The following AGAP1 variants were observed in gnomAD, a reference collection of about 807,000 sequenced individuals.
AGAP1 encodes arf-GAP with GTPase, ANK repeat and PH domain-containing protein 1.
AGAP1 carries 29 observed loss-of-function variants against 105.3 expected under a neutral mutation model. The observed-to-expected ratio is 0.28, with a 90% CI of 0.21 to 0.38. The LOEUF is 0.38. Ranked by LOEUF, AGAP1 falls within the 10% of genes least tolerant of loss-of-function variation. AGAP1 has a pLI of 1.00. For missense variants in AGAP1, 998 were observed against 1,165.1 expected (o/e 0.86, Z 2.09); for synonymous variants, 509 against 485.9 (o/e 1.05, Z -0.63).
intron 4 of AGAP1, among the ~76,000 whole-genome samples, chr2:235,742,278 G>A (rs1292052226): frequency 6.6e-6 from 1 of 152,162 alleles, no homozygotes; most frequent in Non-Finnish European, 1.5e-5. Context: ...TACAGAAGAT[G>A]CCACAGATTT....
Position 235,842,392 on chromosome 2 carries a change from C to T in AGAP1, c.1050+35061C>T, listed in dbSNP as rs1336824630. 3.9e-5 allele frequency among the ~76,000 whole-genome samples: 6 copies of T among 152,192 alleles called. No homozygotes were observed. The highest frequency in any genetic ancestry group is 8.8e-5 in the Non-Finnish European group (6 of 68,032). ...CTCAAAATCACAGACATGTTCACAGCGCATTGCCGTTGTCCCAGATAATTG... is the reference window on the plus strand; with the variant it reads ...CTCAAAATCACAGACATGTTCACAGTGCATTGCCGTTGTCCCAGATAATTG... On this transcript the variant is annotated intron_variant, in intron 9 of 17. Coordinates refer to ENST00000304032, the MANE Select transcript of AGAP1 (RefSeq NM_001037131.3). This position sits in a 1 kb window ranked among gnomAD's most constrained non-coding sequence, Gnocchi z 5.3.
intron 12 of AGAP1, among the ~76,000 whole-genome samples, chr2:235,945,556 T>A (rs949325827): frequency 7.3e-5 from 11 of 150,408 alleles, no homozygotes; most frequent in Non-Finnish European, 1.5e-5. Context: ...TCTTTGCTAA[T>A]TTTACAATAA....
intron 6 of AGAP1, among the ~76,000 whole-genome samples, chr2:235,796,373 C>T (rs925780293): frequency 6.6e-5 from 10 of 151,988 alleles, no homozygotes; most frequent in African/African-American, 2.2e-4. Flanking sequence ...ATCAATATGC[C>T]AATGGTTCTG....
At position 235,893,227 on chromosome 2, in the gene AGAP1, C is replaced by CGTGTCTGT. The variant is rs1158751155; in HGVS notation, c.1155+9778_1155+9779insGTGTCTGT. Among the ~76,000 whole-genome samples, 1 of 148,530 alleles carries CGTGTCTGT rather than the reference C, an allele frequency of 6.7e-6. No homozygotes were observed. Among genetic ancestry groups the CGTGTCTGT allele is most frequent in the Non-Finnish European group, 1.5e-5 (1 of 67,232 alleles). ...TGCCATGTCCATCATAATGAAGCAC[C>CGTGTCTGT]ATGTCTGTAGCGCGGGTGTGCCATG... is the stretch of plus-strand genomic sequence containing the variant. On this transcript the variant is annotated intron_variant, in intron 10 of 17. Coordinates refer to ENST00000304032, the MANE Select transcript of AGAP1 (RefSeq NM_001037131.3). This position sits in a 1 kb window ranked among gnomAD's most constrained non-coding sequence, Gnocchi z 4.7.
At position 236,078,794 on chromosome 2, in the gene AGAP1, C is replaced by G. The variant is rs1192221398; in HGVS notation, c.2114+29513C>G. Among the ~76,000 whole-genome samples, 2 of 152,164 alleles carry G rather than the reference C, an allele frequency of 1.3e-5. No individual in the cohort carries two copies. Among genetic ancestry groups the G allele is most frequent in the East Asian group, 1.9e-4 (1 of 5,172 alleles). On this transcript the variant is annotated intron_variant, in intron 16 of 17. Transcript: ENST00000304032. The surrounding 1 kb of genome is among the most constrained non-coding windows in gnomAD (Gnocchi z 5.3). ...CTAAGCTTGAGCCAGACTGGTCGTT[C>G]TGCCAGGTTGGTTGCCCACCCTCCT...
rs980197333 is a variant in AGAP1 at position 235,967,881 on chromosome 2, A to G, written c.1484-581A>G. Among the ~76,000 whole-genome samples, 11 of 152,236 alleles carry G rather than the reference A, an allele frequency of 7.2e-5. No individual in the cohort carries two copies. Among genetic ancestry groups the G allele is most frequent in the Non-Finnish European group, 1.3e-4 (9 of 68,052 alleles). ...CAATGAATCAAAAATTGGCAGGCCTACTATATCGACTTCCAAACACTGTCA... is the reference window on the plus strand; with the variant it reads ...CAATGAATCAAAAATTGGCAGGCCTGCTATATCGACTTCCAAACACTGTCA... On this transcript the variant is annotated intron_variant, in intron 12 of 17. Coordinates refer to ENST00000304032, the MANE Select transcript of AGAP1 (RefSeq NM_001037131.3). The surrounding 1 kb of genome is among the most constrained non-coding windows in gnomAD (Gnocchi z 4.7).
intron 1 of AGAP1, among the ~76,000 whole-genome samples, chr2:235,573,054 C>CTTCTTTCTTCTTTCTTCT (rs1553568872): frequency 2.3e-4 from 5 of 22,184 alleles, no homozygotes; most frequent in African/African-American, 8.2e-4. Flanking sequence ...TCTTCTTCTT[C>CTTCTTTCTTCTTTCTTCT]TTCTTCTTTC....
intron 1 of AGAP1, among the ~76,000 whole-genome samples, chr2:235,594,919 T>C (rs1179391439): frequency 2.3e-5 from 3 of 127,728 alleles, no homozygotes; most frequent in African/African-American, 9.3e-5. Context: ...GATGTAAAAG[T>C]ATCAACATAT....
At chr2:235,781,439 G>A (rs558108909) in intron 6 of AGAP1, among the ~76,000 whole-genome samples, 1 of 152,276 alleles carries the variant, frequency 6.6e-6, no homozygotes, top group South Asian at 2.1e-4. Flanking sequence ...AAGTGCAAAG[G>A]GGCCTTAGAT....
rs2050316532 is a variant in AGAP1, at chr2:235,887,288, G to A, written c.1155+3839G>A. Among the ~76,000 whole-genome samples the A allele has an allele frequency of 6.6e-6, 1 of 152,016 alleles. No individual in the cohort carries two copies. Among genetic ancestry groups the A allele is most frequent in the Non-Finnish European group, 1.5e-5 (1 of 68,014 alleles). ...AAAGCTGCCAGGATTGCTGGTGTTT[G>A]GGTTTCAGAGTCATTATTGTTGCTC... On this transcript the variant is annotated intron_variant, in intron 10 of 17. Coordinates refer to ENST00000304032, the MANE Select transcript of AGAP1 (RefSeq NM_001037131.3). The surrounding 1 kb of genome is among the most constrained non-coding windows in gnomAD (Gnocchi z 4.1).
chr2:235,516,669 C>T (rs191200250), intron 1 of AGAP1, among the ~76,000 whole-genome samples: 2 of 152,306 alleles, frequency 1.3e-5, no homozygotes, highest in Non-Finnish European at 2.9e-5. Flanking sequence ...TGCACCCTGG[C>T]TTCCCATCAT....
In AGAP1 at chr2:235,872,056, T is replaced by C. The variant is rs1378533618; in HGVS notation, c.1051-11289T>C. On this transcript the variant is annotated intron_variant, in intron 9 of 17. Transcript: ENST00000304032. This position sits in a 1 kb window ranked among gnomAD's most constrained non-coding sequence, Gnocchi z 4.5. The stretch of plus-strand genomic sequence containing the variant: ...TCGTGGATATCAGTTGTGATTGCAG[T>C]TGATGAAATATGCAGTTGTGAATAC... Among the ~76,000 whole-genome samples the C allele has an allele frequency of 1.3e-5, 2 of 152,120 alleles. No homozygotes were observed. Among genetic ancestry groups the C allele is most frequent in the Non-Finnish European group, 2.9e-5 (2 of 68,030 alleles).
intron 6 of AGAP1, among the ~76,000 whole-genome samples, chr2:235,768,141 C>G (rs985951492): frequency 6.6e-6 from 1 of 152,134 alleles, no homozygotes; most frequent in Non-Finnish European, 1.5e-5. Context: ...TTTTCTTACC[C>G]TAAGATAGAG....
intron 6 of AGAP1, among the ~76,000 whole-genome samples, chr2:235,756,414 G>T (rs1482061616): frequency 6.6e-6 from 1 of 152,088 alleles, no homozygotes; most frequent in Non-Finnish European, 1.5e-5. Flanking sequence ...GATTTTAAAG[G>T]CCCCTGATTC....
At chr2:235,932,325 T>C (rs1477363288) in intron 12 of AGAP1, among the ~76,000 whole-genome samples, 1 of 152,254 alleles carries the variant, frequency 6.6e-6, no homozygotes, top group African/African-American at 2.4e-5. Context: ...AAGTTAGGCA[T>C]GTGCCACAAC....
In AGAP1 at chr2:236,124,179, C is replaced by G. The variant is rs2059967207; in HGVS notation, c.*57C>G. 2.5e-6 allele frequency: 4 copies of G among 1,583,128 alleles called. No homozygotes were observed. The highest frequency in any genetic ancestry group is 1.7e-4 in the Middle Eastern group (1 of 5,800). ...TGGGACGCGGCAGCCTCGCCGCATT[C>G]TCGCTCAGAAGTCGCAGCACGTGAG... On this transcript the variant is annotated 3_prime_UTR_variant, in exon 18 of 18. Coordinates refer to ENST00000304032, the MANE Select transcript of AGAP1 (RefSeq NM_001037131.3). The surrounding 1 kb of genome is among the most constrained non-coding windows in gnomAD (Gnocchi z 5.1).
rs1437047928 is a variant in AGAP1, at chr2:235,874,439, A to G, written c.1051-8906A>G. Among the ~76,000 whole-genome samples, 1 of 152,196 alleles carries G rather than the reference A, an allele frequency of 6.6e-6. No individual in the cohort carries two copies. The highest frequency in any genetic ancestry group is 1.5e-5 in the Non-Finnish European group (1 of 68,028). The stretch of plus-strand genomic sequence containing the variant: ...TGGGGGCGCTGCAGCAGCTTCTCAG[A>G]CATGGCTGCCCTCATGCCTCCTTGG... On this transcript the variant is annotated intron_variant, in intron 9 of 17. Coordinates refer to ENST00000304032, the MANE Select transcript of AGAP1 (RefSeq NM_001037131.3). This position sits in a 1 kb window ranked among gnomAD's most constrained non-coding sequence, Gnocchi z 4.5.
chr2:235,840,611 C>T (rs76728700), intron 9 of AGAP1, among the ~76,000 whole-genome samples: 74 of 152,060 alleles, frequency 4.9e-4, no homozygotes, highest in Non-Finnish European at 7.9e-4. Context: ...AGGAGGTGGT[C>T]GGTAGAGCAG....
Position 236,053,421 on chromosome 2 carries a change from C to T in AGAP1, c.2114+4140C>T, listed in dbSNP as rs1028494513. ...AAAGCCGTCTCAGTAAACCCGTCCA[C>T]GCACATCCTCTCTCCCTCGCGGTAC... On this transcript the variant is annotated intron_variant, in intron 16 of 17. Coordinates refer to ENST00000304032, the MANE Select transcript of AGAP1 (RefSeq NM_001037131.3). The surrounding 1 kb of genome is among the most constrained non-coding windows in gnomAD (Gnocchi z 4.6). Among the ~76,000 whole-genome samples the T allele has an allele frequency of 2.6e-5, 4 of 152,226 alleles. No homozygotes were observed. The highest frequency in any genetic ancestry group is 1.3e-4 in the Admixed American group (2 of 15,288).
Sources: gnomAD v4.1 joint callset for allele counts (sites outside exome capture counted in the v4.1 genomes callset) on GRCh38, gnomAD v4.1.1 for gene constraint, Gnocchi (gnomAD v3.1) non-coding constraint, MANE v1.5 for transcripts, NCBI Gene and HGNC (gene_info 2026-07-23, HGNC 2026-07-21) for gene names.